RTTN: variants seen among roughly 807,000 people sequenced by gnomAD.
The protein encoded by RTTN is rotatin.
RTTN carries 182 observed loss-of-function variants against 269.2 expected under a neutral mutation model. The ratio of observed to expected loss-of-function variants is 0.68; its 90% confidence interval spans 0.60 to 0.76. The LOEUF (loss-of-function observed/expected upper bound fraction) is 0.76. RTTN is among the 30% of genes least tolerant of loss of function. The pLI is 0.00. For missense variants in RTTN, 2,545 were observed against 2,608.6 expected (o/e 0.98, Z 0.53); for synonymous variants, 1,006 against 963.5 (o/e 1.04, Z -0.82).
Position 70,075,538 on chromosome 18 carries a change from G to A in RTTN, c.4378C>T (p.Pro1460Ser). Reference sequence around the variant, plus strand: ...CCAGAGTCCTCATCATGAACACAGGGACCCTGTAGGAAGAGAGGGAAAGAA... The same window carrying A: ...CCAGAGTCCTCATCATGAACACAGGAACCCTGTAGGAAGAGAGGGAAAGAA... ...EIIKDYTWQG[P>S]CVHDEDSGLS... is the part of the protein sequence containing the mutation. The change falls in exon 33 of 49, where the codon CCC becomes TCC. Residue 1460 changes from proline to serine, a missense_variant. Transcript: ENST00000640769. 1 of 1,561,736 alleles carries A rather than the reference G, an allele frequency of 6.4e-7. No homozygotes were observed. The highest frequency in any genetic ancestry group is 8.6e-7 in the Non-Finnish European group (1 of 1,162,384).
chr18:70,087,944 T>C (rs758793711), intron 31 of RTTN, 45 bp downstream of exon 31: 1 of 1,594,938 alleles, frequency 6.3e-7, no homozygotes. Flanking sequence ...ACGGATACCA[T>C]CACAAAGAAT....
chr18:70,038,085 A>G (rs1244052239), intron 40 of RTTN, among the ~76,000 whole-genome samples: 1 of 152,232 alleles, frequency 6.6e-6, no homozygotes, highest in Non-Finnish European at 1.5e-5. Context: ...GTGCCAGGTT[A>G]GTCACATTAG....
intron 44 of RTTN, among the ~76,000 whole-genome samples, chr18:70,022,333 T>C (rs145372705): frequency 0.012 from 1,883 of 152,196 alleles, 23 homozygotes; most frequent in South Asian, 0.038. Flanking sequence ...ATCCACATCC[T>C]TCCTCTCAGC....
intron 18 of RTTN, among the ~76,000 whole-genome samples, chr18:70,143,057 T>G (rs2060299336): frequency 6.6e-6 from 1 of 152,126 alleles, no homozygotes; most frequent in African/African-American, 2.4e-5. Context: ...CCATTCTGAC[T>G]GGTGTGAGAT....
chr18:70,167,256 ACT>A (rs2061012591), intron 12 of RTTN, among the ~76,000 whole-genome samples: 1 of 152,204 alleles, frequency 6.6e-6, no homozygotes, highest in African/African-American at 2.4e-5. Flanking sequence ...CTATTATTTA[ACT>A]CTGAGTAAGC....
chr18:70,162,619 G>A (rs1268970757), intron 14 of RTTN, among the ~76,000 whole-genome samples: 1 of 152,070 alleles, frequency 6.6e-6, no homozygotes, highest in Non-Finnish European at 1.5e-5. Context: ...AGAACAGGAT[G>A]GGGGAAACTG....
intron 14 of RTTN, among the ~76,000 whole-genome samples, chr18:70,159,837 T>G (rs978327674): frequency 6.6e-6 from 1 of 152,032 alleles, no homozygotes; most frequent in African/African-American, 2.4e-5. Flanking sequence ...ATGGATAAAT[T>G]TCTGGAAATA....
At chr18:70,113,881 C>G (rs1224146886) in intron 27 of RTTN, among the ~76,000 whole-genome samples, 2 of 151,894 alleles carry the variant, frequency 1.3e-5, no homozygotes, top group African/African-American at 4.8e-5. Flanking sequence ...CTGCCAGGGC[C>G]CAGAGGAATG....
chr18:70,098,066 CT>C (rs2059051801), intron 28 of RTTN, among the ~76,000 whole-genome samples: 2 of 24,894 alleles, frequency 8.0e-5, no homozygotes, highest in African/African-American at 4.3e-5. Flanking sequence ...ATGCTATAAA[CT>C]AGGTACTTAT....
rs200302395 is a variant in RTTN at position 70,193,275 on chromosome 18, T to C, written c.1007+13A>G. The stretch of plus-strand genomic sequence containing the variant: ...GCATTTCTCATTTCCCCAGAGACAC[T>C]GCTAGCAGTCACCTAGAGGACGCTG... On this transcript the variant is annotated intron_variant, in intron 8 of 48. Coordinates refer to ENST00000640769, the MANE Select transcript of RTTN (RefSeq NM_173630.4). 423 of 1,604,384 alleles carry C rather than the reference T, an allele frequency of 2.6e-4. No homozygotes were observed. Among genetic ancestry groups the C allele is most frequent in the Non-Finnish European group, 3.4e-4 (395 of 1,175,636 alleles).
chr18:70,097,573 G>C (rs147240252), intron 28 of RTTN, among the ~76,000 whole-genome samples: 2,136 of 152,306 alleles, frequency 0.014, 26 homozygotes, highest in Non-Finnish European at 0.021. Flanking sequence ...TTCTGCTCGA[G>C]ATGTTTTATG....
chr18:70,201,585 G>A (rs1225267472), intron 4 of RTTN, among the ~76,000 whole-genome samples: 1 of 119,086 alleles, frequency 8.4e-6, no homozygotes, highest in East Asian at 2.8e-4. Flanking sequence ...TCCAGCCTGG[G>A]CGACAGAGCG....
chr18:70,024,784 T>A lies in RTTN; in HGVS notation c.5888A>T (p.Asp1963Val). 1 of 1,613,866 alleles carries A rather than the reference T, an allele frequency of 6.2e-7. No homozygotes were observed. Among genetic ancestry groups the A allele is most frequent in the Non-Finnish European group, 8.5e-7 (1 of 1,179,806 alleles). ...LHSLWPWILM[D>V]DSLMQISLQL... ...CAGAGAAATTTGCATCAATGAATCA[T>A]CCATCAAAATCCAAGGCCAGAGAGA... Residue 1963 changes from aspartate to valine, a missense_variant, in exon 44 of 49, where the codon GAT becomes GTT. By Grantham distance (152) the Asp-to-Val change is radical (BLOSUM62 -3). Coordinates refer to ENST00000640769, the MANE Select transcript of RTTN (RefSeq NM_173630.4).
intron 27 of RTTN, among the ~76,000 whole-genome samples, chr18:70,113,342 C>T (rs1384962983): frequency 6.6e-6 from 1 of 151,896 alleles, no homozygotes; most frequent in Admixed American, 6.6e-5. Flanking sequence ...AAATAAAAAC[C>T]AAAATGATAC....
chr18:70,123,456 T>A (rs757303872), intron 25 of RTTN, among the ~76,000 whole-genome samples: 1 of 152,134 alleles, frequency 6.6e-6, no homozygotes, highest in Non-Finnish European at 1.5e-5. Flanking sequence ...ACTGGAATTT[T>A]GTAACCTCTC....
chr18:70,131,677 T>A (rs1009004700), intron 23 of RTTN: 3 of 151,594 alleles, frequency 2.0e-5, no homozygotes, highest in African/African-American at 7.3e-5. Context: ...TCCCAATCGC[T>A]ACAAATAAAT....
At chr18:70,050,102 A>G (rs1015601299) in intron 39 of RTTN, among the ~76,000 whole-genome samples, 1 of 152,226 alleles carries the variant, frequency 6.6e-6, no homozygotes, top group African/African-American at 2.4e-5. Flanking sequence ...GAGCGTCTGC[A>G]TAGCAAAACA....
chr18:70,161,274 T>C (rs2060821976), intron 14 of RTTN, among the ~76,000 whole-genome samples: 1 of 152,182 alleles, frequency 6.6e-6, no homozygotes, highest in African/African-American at 2.4e-5. Context: ...TAAACAGTGC[T>C]GGAATAACTG....
intron 28 of RTTN, among the ~76,000 whole-genome samples, chr18:70,105,582 G>C (rs2059300545): frequency 6.6e-6 from 1 of 152,164 alleles, no homozygotes; most frequent in Non-Finnish European, 1.5e-5. Context: ...CGCTCATGCT[G>C]GGAGCTGTAG....
Sources: gnomAD v4.1 joint callset for allele counts (sites outside exome capture counted in the v4.1 genomes callset) on GRCh38, gnomAD v4.1.1 for gene constraint, MANE v1.5 for transcripts, NCBI Gene and HGNC (gene_info 2026-07-23, HGNC 2026-07-21) for gene names.